The following MACROD2 variants were observed in gnomAD, a reference collection of about 807,000 sequenced individuals.
MACROD2 encodes mono-ADP ribosylhydrolase 2.
A neutral mutation model predicts 70.4 loss-of-function variants in MACROD2; 36 were observed. That is an observed-to-expected ratio of 0.51 (90% CI 0.39 to 0.68). The LOEUF is 0.68. MACROD2 is among the 30% of genes least tolerant of loss of function. The probability of loss-of-function intolerance (pLI) is 0.00; values close to 1 mark genes in which losing one functional copy is unlikely to be tolerated. For synonymous variants in MACROD2, 172 were observed against 178.8 expected (o/e 0.96, Z 0.30); for missense variants, 496 against 538.4 (o/e 0.92, Z 0.78).
chr20:14,712,805 G>A (rs1004086159), intron 5 of MACROD2, among the ~76,000 whole-genome samples: 1 of 152,076 alleles, frequency 6.6e-6, no homozygotes, highest in Non-Finnish European at 1.5e-5. Flanking sequence ...ACAATAGGAG[G>A]ATTAATGGCT....
intron 4 of MACROD2, among the ~76,000 whole-genome samples, chr20:14,575,364 A>G (rs1980525327): frequency 1.3e-5 from 2 of 152,176 alleles, no homozygotes; most frequent in East Asian, 1.9e-4. Flanking sequence ...ATCTGTTTCC[A>G]TATTTAATTT....
chr20:14,649,552 A>G (rs751065822), intron 4 of MACROD2, among the ~76,000 whole-genome samples: 5 of 152,204 alleles, frequency 3.3e-5, no homozygotes, highest in Non-Finnish European at 7.4e-5. Context: ...ACCTTAGCTC[A>G]GTGAGCCAAG....
rs902701374 is a variant in MACROD2 at position 14,834,238 on chromosome 20, C to T, written c.418+149279C>T. On this transcript the variant is annotated intron_variant, in intron 5 of 17. Coordinates refer to ENST00000684519, the MANE Select transcript of MACROD2 (RefSeq NM_001351661.2). ...AGAAATGCCAATTTGTGACCTTTAC[C>T]CTTGCCGCTAGTATGGTTTTTTTTT... is the stretch of plus-strand genomic sequence containing the variant. 2.2e-4 allele frequency among the ~76,000 whole-genome samples: 32 copies of T among 148,666 alleles called. 2 individuals are homozygous for T. The highest frequency in any genetic ancestry group is 2.1e-3 in the Admixed American group (31 of 14,950).
Position 15,985,453 on chromosome 20 carries a change from C to A in MACROD2, c.986-1274C>A, listed in dbSNP as rs550687523. Among the ~76,000 whole-genome samples the A allele has an allele frequency of 3.3e-5, 5 of 152,362 alleles. No individual in the cohort carries two copies. In the South Asian group the frequency reaches 1.0e-3, roughly 32 times the overall value. On this transcript the variant is annotated intron_variant, in intron 13 of 17. Coordinates refer to ENST00000684519, the MANE Select transcript of MACROD2 (RefSeq NM_001351661.2). ...TGCAGGCACACTGTGGGTGATCAGGCCACTCTTCCACTCAGATGGAGTGGG... is the reference window on the plus strand; with the variant it reads ...TGCAGGCACACTGTGGGTGATCAGGACACTCTTCCACTCAGATGGAGTGGG...
chr20:15,935,204 G>C (rs1172649878), intron 11 of MACROD2, among the ~76,000 whole-genome samples: 4 of 152,318 alleles, frequency 2.6e-5, no homozygotes, highest in Non-Finnish European at 5.9e-5. Flanking sequence ...GTGGTAGAAT[G>C]TCAGCCCTCT....
Position 14,820,528 on chromosome 20 carries a change from A to ATCT in MACROD2, c.418+135569_418+135570insTCT, listed in dbSNP as rs1396847506. ...AACTGCTTAAACTCAAGAAAAGAGA[A>ATCT]AAGACAATTTCATCACCAGTGTAAT... On this transcript the variant is annotated intron_variant, in intron 5 of 17. Coordinates refer to ENST00000684519, the MANE Select transcript of MACROD2 (RefSeq NM_001351661.2). Among the ~76,000 whole-genome samples the ATCT allele has an allele frequency of 2.0e-5, 3 of 151,984 alleles. 1 individual carries two copies. Among genetic ancestry groups the ATCT allele is most frequent in the Non-Finnish European group, 2.9e-5 (2 of 67,960 alleles).
intron 5 of MACROD2, among the ~76,000 whole-genome samples, chr20:14,967,936 G>T (rs978804864): frequency 6.6e-6 from 1 of 152,072 alleles, no homozygotes; most frequent in African/African-American, 2.4e-5. Flanking sequence ...GCAGGCTGTT[G>T]TCCTTTTTGT....
intron 8 of MACROD2, among the ~76,000 whole-genome samples, chr20:15,830,396 T>C (rs989467095): frequency 6.6e-6 from 1 of 152,222 alleles, no homozygotes; most frequent in Non-Finnish European, 1.5e-5. Context: ...ATATCTAGGC[T>C]GGTGTCAATA....
At chr20:14,100,794 TTA>T (rs1202501039) in intron 3 of MACROD2, among the ~76,000 whole-genome samples, 34 of 136,688 alleles carry the variant, frequency 2.5e-4, no homozygotes, top group African/African-American at 7.6e-4. Flanking sequence ...ATATTATATA[TTA>T]TATATGATAT....
At chr20:15,645,846 G>T (rs2049533188) in intron 8 of MACROD2, among the ~76,000 whole-genome samples, 1 of 152,150 alleles carries the variant, frequency 6.6e-6, no homozygotes, top group Non-Finnish European at 1.5e-5. Flanking sequence ...TGCTCCTTCA[G>T]CTTTGTTACA....
At chr20:14,198,431 G>C (rs1017396519) in intron 3 of MACROD2, among the ~76,000 whole-genome samples, 1 of 152,140 alleles carries the variant, frequency 6.6e-6, no homozygotes, top group Admixed American at 6.5e-5. Flanking sequence ...TATTAGTCCA[G>C]AGCCAATGTA....
At chr20:14,003,194 CTA>C (rs2052759341) in intron 2 of MACROD2, among the ~76,000 whole-genome samples, 1 of 152,160 alleles carries the variant, frequency 6.6e-6, no homozygotes, top group South Asian at 2.1e-4. Context: ...ATCGATGGAA[CTA>C]CACCGGGTAC....
intron 15 of MACROD2, among the ~76,000 whole-genome samples, chr20:15,993,168 T>G (rs1227985482): frequency 6.6e-6 from 1 of 152,120 alleles, no homozygotes; most frequent in Admixed American, 6.6e-5. Flanking sequence ...AAATATTTTA[T>G]TTAAATGATT....
At chr20:16,010,154 A>G (rs1418934184) in intron 15 of MACROD2, among the ~76,000 whole-genome samples, 1 of 152,216 alleles carries the variant, frequency 6.6e-6, no homozygotes, top group Non-Finnish European at 1.5e-5. Flanking sequence ...ATCACACTTC[A>G]GAAAAAAAGA....
intron 6 of MACROD2, among the ~76,000 whole-genome samples, chr20:15,295,798 G>C (rs1291070662): frequency 6.6e-6 from 1 of 152,152 alleles, no homozygotes; most frequent in Non-Finnish European, 1.5e-5. Flanking sequence ...AGAAAGAGCA[G>C]ATAAGCTACA....
chr20:14,476,380 A>G (rs1409531755), intron 3 of MACROD2, among the ~76,000 whole-genome samples: 1 of 152,232 alleles, frequency 6.6e-6, no homozygotes, highest in East Asian at 1.9e-4. Flanking sequence ...TCTTGAGACA[A>G]AGTCTCCCTC....
intron 2 of MACROD2, among the ~76,000 whole-genome samples, chr20:14,068,916 G>A (rs2053804121): frequency 6.6e-6 from 1 of 152,072 alleles, no homozygotes; most frequent in Non-Finnish European, 1.5e-5. Context: ...AACTTGACCA[G>A]TACCATGTTG....
chr20:14,996,643 C>T (rs564209378), intron 5 of MACROD2, among the ~76,000 whole-genome samples: 19 of 152,162 alleles, frequency 1.2e-4, no homozygotes, highest in Non-Finnish European at 2.4e-4. Flanking sequence ...TTCCTCATCC[C>T]CCAGCAGCAG....
At chr20:15,192,388 A>G (rs1006050945) in intron 5 of MACROD2, among the ~76,000 whole-genome samples, 3 of 152,206 alleles carry the variant, frequency 2.0e-5, no homozygotes, top group African/African-American at 7.2e-5. Context: ...AAATCTTTCA[A>G]ATCAAACTGT....
Sources: allele counts gnomAD v4.1 joint callset (sites outside exome capture counted in the v4.1 genomes callset), GRCh38; gene constraint gnomAD v4.1.1; transcripts MANE v1.5; gene names NCBI Gene and HGNC (gene_info 2026-07-23, HGNC 2026-07-21).